The following FSHR variants were observed in gnomAD, a reference collection of about 807,000 sequenced individuals.
The protein encoded by FSHR is follicle-stimulating hormone receptor.
A neutral mutation model predicts 52.1 loss-of-function variants in FSHR; 46 were observed. The ratio of observed to expected loss-of-function variants is 0.88; its 90% CI spans 0.70 to 1.13. FSHR has a LOEUF of 1.13. FSHR is among the 50% of genes most tolerant of loss of function. The pLI is 0.00. For synonymous variants in FSHR, 399 were observed against 309.6 expected (o/e 1.29, Z -3.03); for missense variants, 964 against 834.6 (o/e 1.16, Z -1.91).
In FSHR at chr2:49,085,374, C is replaced by T. The variant is rs554954318; in HGVS notation, c.153-17084G>A. The stretch of plus-strand genomic sequence containing the variant: ...ATAATAAGAGCTATCTATGACAAAC[C>T]CACAGCCAATATCATACTGAATGGG... On this transcript the variant is annotated intron_variant, in intron 1 of 9. Transcript: ENST00000406846. Among the ~76,000 whole-genome samples, 26 of 152,272 alleles carry T rather than the reference C, an allele frequency of 1.7e-4. No homozygotes were observed. In the South Asian group the frequency reaches 3.1e-3, roughly 18 times the overall value.
chr2:48,998,094 C>T (rs1310407188), intron 4 of FSHR, among the ~76,000 whole-genome samples: 1 of 152,084 alleles, frequency 6.6e-6, no homozygotes, highest in Non-Finnish European at 1.5e-5. Context: ...AGGAAAACTA[C>T]TACCTAGAGT....
chr2:49,092,030 G>C (rs1670631222), intron 1 of FSHR, among the ~76,000 whole-genome samples: 1 of 152,066 alleles, frequency 6.6e-6, no homozygotes, highest in Non-Finnish European at 1.5e-5. Flanking sequence ...CATTAATTAG[G>C]TCTTATTTGA....
At chr2:49,059,806 A>C (rs1669217682) in intron 2 of FSHR, 1 of 152,196 alleles carries the variant, frequency 6.6e-6, no homozygotes, top group African/African-American at 2.4e-5. Context: ...TGGTTTCGGA[A>C]AAGATTTCAT....
At chr2:49,016,800 A>G (rs1463846057) in intron 4 of FSHR, among the ~76,000 whole-genome samples, 3 of 103,070 alleles carry the variant, frequency 2.9e-5, no homozygotes, top group African/African-American at 1.1e-4. Context: ...CATTCTCTTG[A>G]TGAAACAATA....
intron 8 of FSHR, among the ~76,000 whole-genome samples, chr2:48,981,432 AG>A (rs1675243416): frequency 6.6e-6 from 1 of 152,180 alleles, no homozygotes; most frequent in Non-Finnish European, 1.5e-5. Flanking sequence ...ATTAGGAAAT[AG>A]GTATTGTTTT....
At chr2:48,964,079 T>C (rs1674363467) in intron 9 of FSHR, 113 bp from the exon 10 acceptor site, 1 of 1,061,796 alleles carries the variant, frequency 9.4e-7, no homozygotes, top group Middle Eastern at 3.1e-4. Flanking sequence ...TTTTTTTTTT[T>C]TCTTCTCACA....
intron 8 of FSHR, among the ~76,000 whole-genome samples, chr2:48,972,263 A>G (rs1170521631): frequency 1.3e-5 from 2 of 152,180 alleles, no homozygotes; most frequent in Non-Finnish European, 2.9e-5. Flanking sequence ...GACTTTTTAT[A>G]CCACATACAT....
At chr2:49,124,009 G>A (rs1671910695) in intron 1 of FSHR, among the ~76,000 whole-genome samples, 1 of 151,228 alleles carries the variant, frequency 6.6e-6, no homozygotes, top group Non-Finnish European at 1.5e-5. Context: ...TTTTGAGACG[G>A]AATTTCGCTC....
chr2:49,102,779 A>G (rs1671081860), intron 1 of FSHR, among the ~76,000 whole-genome samples: 1 of 152,118 alleles, frequency 6.6e-6, no homozygotes, highest in Admixed American at 6.5e-5. Context: ...AATATTATAG[A>G]TTTGTTTCTT....
At chr2:49,150,391 T>A (rs991470867) in intron 1 of FSHR, among the ~76,000 whole-genome samples, 1 of 152,142 alleles carries the variant, frequency 6.6e-6, no homozygotes, top group Admixed American at 6.6e-5. Context: ...ATCTCTTGAC[T>A]GACTTGGTCC....
intron 1 of FSHR, among the ~76,000 whole-genome samples, chr2:49,088,290 T>A (rs981204882): frequency 2.6e-5 from 4 of 152,134 alleles, no homozygotes; most frequent in Admixed American, 2.6e-4. Flanking sequence ...TAGATGTTTC[T>A]TTAAAAAGTA....
At chr2:48,975,780 C>A (rs1298976671) in intron 8 of FSHR, among the ~76,000 whole-genome samples, 1 of 151,920 alleles carries the variant, frequency 6.6e-6, no homozygotes, top group African/African-American at 2.4e-5. Context: ...ATGATTTGGC[C>A]CTCTGTTTGT....
At chr2:49,036,354 T>G (rs1668270893) in intron 2 of FSHR, among the ~76,000 whole-genome samples, 1 of 152,064 alleles carries the variant, frequency 6.6e-6, no homozygotes, top group African/African-American at 2.4e-5. Flanking sequence ...CTTTTTTATG[T>G]TCATTTATTT....
At chr2:49,064,251 A>G (rs1421836605) in intron 2 of FSHR, among the ~76,000 whole-genome samples, 4 of 125,330 alleles carry the variant, frequency 3.2e-5, no homozygotes, top group African/African-American at 1.1e-4. Flanking sequence ...GCTCTGGTTT[A>G]AATATTTTTT....
intron 1 of FSHR, among the ~76,000 whole-genome samples, chr2:49,110,058 G>C (rs1038121856): frequency 6.6e-6 from 1 of 152,080 alleles, no homozygotes; most frequent in African/African-American, 2.4e-5. Context: ...TTTGCATGTT[G>C]ATATTTTGTA....
intron 8 of FSHR, among the ~76,000 whole-genome samples, chr2:48,976,519 C>G (rs1674995742): frequency 6.6e-6 from 1 of 152,190 alleles, no homozygotes; most frequent in South Asian, 2.1e-4. Flanking sequence ...AGAGGAGTCC[C>G]TCTTTTTCTG....
At chr2:49,072,010 G>A (rs1056577284) in intron 1 of FSHR, among the ~76,000 whole-genome samples, 1 of 152,034 alleles carries the variant, frequency 6.6e-6, no homozygotes, top group Admixed American at 6.6e-5. Context: ...AATATAAGTG[G>A]GTTGTCATAA....
intron 2 of FSHR, among the ~76,000 whole-genome samples, chr2:49,031,330 G>C (rs1170526818): frequency 6.6e-6 from 1 of 152,108 alleles, no homozygotes; most frequent in East Asian, 1.9e-4. Context: ...TCAGGTAATG[G>C]GGATCCTGTT....
At chr2:49,009,290 T>C (rs1238823540) in intron 4 of FSHR, among the ~76,000 whole-genome samples, 1 of 151,222 alleles carries the variant, frequency 6.6e-6, no homozygotes, top group Admixed American at 6.6e-5. Context: ...GGGAATCCTT[T>C]CCCCATTGCT....
Sources: allele counts gnomAD v4.1 joint callset (sites outside exome capture counted in the v4.1 genomes callset), GRCh38; gene constraint gnomAD v4.1.1; transcripts MANE v1.5; gene names NCBI Gene and HGNC (gene_info 2026-07-23, HGNC 2026-07-21).